PNPLA7: variants seen among roughly 807,000 people sequenced by gnomAD.
PNPLA7 encodes patatin-like phospholipase domain-containing protein 7.
Under a neutral mutation model 161.7 loss-of-function variants are expected in PNPLA7, and 153 were observed. The ratio of observed to expected loss-of-function variants is 0.95; its 90% CI spans 0.83 to 1.08. PNPLA7 has a LOEUF of 1.08. Ranked by LOEUF, PNPLA7 falls within the 50% of genes least tolerant of loss-of-function variation. The probability of loss-of-function intolerance (pLI) is 0.00; values close to 1 mark genes in which losing one functional copy is unlikely to be tolerated. For missense variants in PNPLA7, 1,739 were observed against 1,856.6 expected, an observed-to-expected ratio of 0.94 and a Z score of 1.16; for synonymous variants, 809 against 782.1, an observed-to-expected ratio of 1.03 and a Z score of -0.57.
At chr9:137,463,314 G>T in intron 29 of PNPLA7, 101 bp downstream of exon 29, 2 of 1,093,806 alleles carry the variant, frequency 1.8e-6, no homozygotes, top group Non-Finnish European at 1.3e-6. Context: ...ACGTGTTCCA[G>T]CCCAGGCTTC....
rs1171337077 is a variant in PNPLA7 at position 137,499,777 on chromosome 9, G to A, written c.1757+914C>T. Among the ~76,000 whole-genome samples, 1 of 152,246 alleles carries A rather than the reference G, an allele frequency of 6.6e-6. No individual in the cohort carries two copies. Among genetic ancestry groups the A allele is most frequent in the Non-Finnish European group, 1.5e-5 (1 of 68,036 alleles). Reference sequence around the variant, plus strand: ...GCCATTTGCTGGATTACAGGCGTGAGCCGCTGCACCCAGCCGACCTGTTTT... The same window carrying A: ...GCCATTTGCTGGATTACAGGCGTGAACCGCTGCACCCAGCCGACCTGTTTT... On this transcript the variant is annotated intron_variant, in intron 16 of 34. Coordinates refer to ENST00000406427, the MANE Select transcript of PNPLA7 (RefSeq NM_001098537.3). This position sits in a 1 kb window ranked among gnomAD's most constrained non-coding sequence, Gnocchi z 5.5.
chr9:137,487,826 G>A (rs558903778), intron 20 of PNPLA7, among the ~76,000 whole-genome samples: 2 of 152,074 alleles, frequency 1.3e-5, no homozygotes, highest in Middle Eastern at 3.4e-3. Context: ...GCCTGTCAGG[G>A]GCATCTCAGG....
chr9:137,510,939 A>T (rs1250994565), intron 12 of PNPLA7, among the ~76,000 whole-genome samples: 1 of 152,264 alleles, frequency 6.6e-6, no homozygotes, highest in African/African-American at 2.4e-5. Context: ...ATGTATATGG[A>T]TATTATCAAT....
chr9:137,491,977 T>G (rs76544955), intron 20 of PNPLA7: 5 of 985,390 alleles, frequency 5.1e-6, no homozygotes, highest in Non-Finnish European at 6.0e-6. Flanking sequence ...CAGGCTCTTC[T>G]GAGGGCTCCA....
At chr9:137,493,129 A>C (rs1343200683) in intron 19 of PNPLA7, 47 bp from the exon 20 acceptor site, 1 of 1,583,828 alleles carries the variant, frequency 6.3e-7, no homozygotes, top group African/African-American at 1.3e-5. Flanking sequence ...TAAACTGAGA[A>C]ACACTGGGAA....
intron 16 of PNPLA7, 61 bp from the exon 17 acceptor site, chr9:137,498,306 C>A: frequency 6.3e-7 from 1 of 1,589,718 alleles, no homozygotes; most frequent in Non-Finnish European, 8.5e-7. Flanking sequence ...TCGCCCAGGG[C>A]CGCAGTGCTC....
At chr9:137,497,334 C>A (rs775476726) in intron 17 of PNPLA7, 24 bp from the exon 18 acceptor site, 25 of 1,509,564 alleles carry the variant, frequency 1.7e-5, no homozygotes, top group Non-Finnish European at 2.0e-5. Context: ...AGAGGCCCTG[C>A]AGCCCTGGGC....
At chr9:137,466,663 C>T (rs1319493051) in intron 26 of PNPLA7, among the ~76,000 whole-genome samples, 41 of 145,672 alleles carry the variant, frequency 2.8e-4, no homozygotes, top group Middle Eastern at 4.0e-3. Flanking sequence ...GACCCGGGCA[C>T]GGATCTGACC....
At chr9:137,504,431 C>T (rs1378555429) in intron 14 of PNPLA7, among the ~76,000 whole-genome samples, 2 of 152,162 alleles carry the variant, frequency 1.3e-5, no homozygotes, top group African/African-American at 4.8e-5. Flanking sequence ...AGGCTGGTCT[C>T]GGACTCTTGA....
At chr9:137,491,722 A>C (rs1464065099) in intron 20 of PNPLA7, 1 of 985,338 alleles carries the variant, frequency 1.0e-6, no homozygotes, top group Non-Finnish European at 1.2e-6. Context: ...CCCTCTGTGC[A>C]TCCATCCGCT....
At chr9:137,531,510 G>C (rs947570955) in intron 8 of PNPLA7, among the ~76,000 whole-genome samples, 3 of 152,096 alleles carry the variant, frequency 2.0e-5, no homozygotes, top group Non-Finnish European at 4.4e-5. Context: ...GGTCCCCGAG[G>C]GCTCCCCACA....
At chr9:137,471,547 G>A (rs954943737) in intron 25 of PNPLA7, among the ~76,000 whole-genome samples, 11 of 147,408 alleles carry the variant, frequency 7.5e-5, no homozygotes, top group Admixed American at 3.4e-4. Flanking sequence ...GCAGTGAGCC[G>A]AGATCGCGCC....
rs377631440 is a variant in PNPLA7, at chr9:137,464,141, G to A, written c.3211C>T (p.Arg1071Trp). Reference protein sequence around the residue: ...ITTDITASAMRVHTDGSLWWY... With the variant: ...ITTDITASAMWVHTDGSLWWY... The stretch of plus-strand genomic sequence containing the variant: ...GAGTGCTCACCGTCGGTGTGGACCC[G>A]CATGGCCGAGGCTGTGATGTCGGTG... The change falls in exon 28 of 35, where the codon CGG becomes TGG. Residue 1071 changes from arginine (R) to tryptophan (W), a missense_variant. Arg to Trp is a moderately radical substitution (Grantham distance 101, BLOSUM62 -3). Around this residue, in one of 6 missense-constraint regions of PNPLA7, gnomAD observed 703 missense variants for 694.6 expected, o/e 1.01. Transcript: ENST00000406427. 37 of 1,613,430 alleles carry A rather than the reference G, an allele frequency of 2.3e-5. No individual in the cohort carries two copies. In the Admixed American group the frequency reaches 2.3e-4, roughly 10 times the overall value.
rs771067255 is a variant in PNPLA7 at position 137,547,287 on chromosome 9, G to A, written c.193+22C>T. The A allele has an allele frequency of 6.2e-7, 1 of 1,610,620 alleles. No homozygotes were observed. The highest frequency in any genetic ancestry group is 1.1e-5 in the South Asian group (1 of 91,024). ...CGCTTTCCCCCAACCCCCCGGGCCA[G>A]AGTCGGAACCAAGATACTCACGAAA... On this transcript the variant is annotated intron_variant, in intron 3 of 34. Transcript: ENST00000406427. The surrounding 1 kb of genome is among the most constrained non-coding windows in gnomAD (Gnocchi z 4.6).
At position 137,550,243 on chromosome 9, in the gene PNPLA7, G is replaced by T. The variant is rs769278923; in HGVS notation, c.-46C>A. ...GTCAGGGGCGAAAAGCAGACAGCCTGAAGCAAACAAGGGCACACCTCTACC... is the reference window on the plus strand; with the variant it reads ...GTCAGGGGCGAAAAGCAGACAGCCTTAAGCAAACAAGGGCACACCTCTACC... On this transcript the variant is annotated 5_prime_UTR_variant, in exon 1 of 35. Coordinates refer to ENST00000406427, the MANE Select transcript of PNPLA7 (RefSeq NM_001098537.3). 3.7e-6 allele frequency: 6 copies of T among 1,611,492 alleles called. No individual in the cohort carries two copies. In the South Asian group the frequency reaches 6.6e-5, roughly 18 times the overall value.
chr9:137,475,137 A>G (rs974114078), intron 25 of PNPLA7, among the ~76,000 whole-genome samples: 1 of 152,094 alleles, frequency 6.6e-6, no homozygotes, highest in Non-Finnish European at 1.5e-5. Context: ...CAAATTTGAA[A>G]GGGTCCACTG....
At chr9:137,521,517 C>A (rs1005358844) in intron 10 of PNPLA7, 119 bp downstream of exon 10, 1 of 934,186 alleles carries the variant, frequency 1.1e-6, no homozygotes, top group South Asian at 1.4e-5. Context: ...ACTGGGAAGA[C>A]CACAGCTGTT....
intron 1 of PNPLA7, among the ~76,000 whole-genome samples, chr9:137,548,829 G>A (rs748969669): frequency 2.0e-5 from 3 of 152,216 alleles, no homozygotes; most frequent in Non-Finnish European, 4.4e-5. Context: ...ACAGAATGAG[G>A]ACGTGCCCAG....
intron 8 of PNPLA7, among the ~76,000 whole-genome samples, chr9:137,527,334 C>T (rs1289638386): frequency 2.0e-5 from 3 of 151,344 alleles, no homozygotes; most frequent in East Asian, 1.9e-4. Context: ...CTGGCTTGTT[C>T]GCAATCTTCA....
Sources: gnomAD v4.1 joint callset for allele counts (sites outside exome capture counted in the v4.1 genomes callset) on GRCh38, gnomAD v4.1.1 for gene constraint, gnomAD v4.1.1 regional missense constraint, Gnocchi (gnomAD v3.1) non-coding constraint, MANE v1.5 for transcripts, NCBI Gene and HGNC (gene_info 2026-07-23, HGNC 2026-07-21) for gene names.